The following SCAMP1 variants were observed in gnomAD, a reference collection of about 807,000 sequenced individuals.
The protein encoded by SCAMP1 is secretory carrier membrane protein 1.
A neutral mutation model predicts 41.8 loss-of-function variants in SCAMP1; 15 were observed. The observed-to-expected ratio is 0.36, with a 90% CI of 0.24 to 0.55. SCAMP1 has a LOEUF of 0.55. Ranked by LOEUF, SCAMP1 falls within the 20% of genes least tolerant of loss-of-function variation. The pLI, the probability that SCAMP1 is intolerant of heterozygous loss-of-function variation, is 0.86. For synonymous variants in SCAMP1, 135 were observed against 136.8 expected (o/e 0.99, Z 0.09); for missense variants, 341 against 412.6 (o/e 0.83, Z 1.50).
At position 78,450,039 on chromosome 5, in the gene SCAMP1, G is replaced by C. The variant is rs1561281827; in HGVS notation, c.734+5G>C. The C allele has an allele frequency of 8.0e-7, 1 of 1,251,564 alleles. No individual in the cohort carries two copies. The highest frequency in any genetic ancestry group is 1.1e-6 in the Non-Finnish European group (1 of 919,836). 77.5% of individuals were successfully genotyped at this position (1,251,564 alleles called of 1,614,324 possible). A position where few individuals can be genotyped will look rare whatever the true frequency, so the allele number is the denominator to read the frequency against. ...ATTTCATAACTGGGGCAATTGGTAAGTTTTTTTTTTTACTAGTTTTCAGCT... is the reference window on the plus strand; with the variant it reads ...ATTTCATAACTGGGGCAATTGGTAACTTTTTTTTTTTACTAGTTTTCAGCT... On this transcript the variant is annotated splice_donor_5th_base_variant and intron_variant, in intron 7 of 8. Coordinates refer to ENST00000621999, the MANE Select transcript of SCAMP1 (RefSeq NM_004866.6).
chr5:78,365,844 G>C (rs1328951809), intron 1 of SCAMP1, among the ~76,000 whole-genome samples: 3 of 152,120 alleles, frequency 2.0e-5, no homozygotes, highest in Non-Finnish European at 1.5e-5. Flanking sequence ...TATCTTTTAA[G>C]TTACAGTAAT....
intron 8 of SCAMP1, among the ~76,000 whole-genome samples, chr5:78,472,427 T>A (rs574540566): frequency 8.6e-5 from 13 of 151,736 alleles, no homozygotes; most frequent in African/African-American, 2.2e-4. Context: ...TTAAAAAAAA[T>A]TATAGTACTT....
At position 78,382,776 on chromosome 5, in the gene SCAMP1, GGTGTGTGTGT is replaced by G. The variant is rs61523492; in HGVS notation, c.58-6027_58-6018del. 2.6e-3 allele frequency among the ~76,000 whole-genome samples: 343 copies of G among 130,276 alleles called. 1 individual carries two copies. The highest frequency in any genetic ancestry group is 0.02 in the South Asian group (85 of 4,182). The allele number at this position is 130,276 out of a possible 152,430, so 85.5% of individuals were successfully genotyped here. On this transcript the variant is annotated intron_variant, in intron 1 of 8. Coordinates refer to ENST00000621999, the MANE Select transcript of SCAMP1 (RefSeq NM_004866.6). ...TTTTCATGGCTGAGTAGTATTCCAT[GGTGTGTGTGT>G]GTGTGTGTGTGTGTGTGTGTGTGTG...
chr5:78,401,932 A>G (rs1437073632), intron 2 of SCAMP1, among the ~76,000 whole-genome samples: 1 of 151,802 alleles, frequency 6.6e-6, no homozygotes, highest in Admixed American at 6.6e-5. Flanking sequence ...TGGATTTTAG[A>G]TCTTTCTTAT....
At chr5:78,401,753 T>C (rs183334939) in intron 2 of SCAMP1, among the ~76,000 whole-genome samples, 109 of 152,310 alleles carry the variant, frequency 7.2e-4, no homozygotes, top group African/African-American at 2.5e-3. Context: ...TAGAGGCTTA[T>C]TGAGTTTATC....
chr5:78,464,107 A>G (rs912724275), intron 8 of SCAMP1, among the ~76,000 whole-genome samples: 31 of 151,646 alleles, frequency 2.0e-4, no homozygotes, highest in African/African-American at 7.5e-4. Flanking sequence ...CCTCCCAAGT[A>G]GCTGGGACTA....
chr5:78,459,566 G>A (rs1753531396), intron 8 of SCAMP1, among the ~76,000 whole-genome samples: 1 of 151,922 alleles, frequency 6.6e-6, no homozygotes, highest in Admixed American at 6.6e-5. Flanking sequence ...CAGTAAAAAG[G>A]GAATATTTTA....
At chr5:78,403,938 G>A (rs1487191438) in intron 2 of SCAMP1, among the ~76,000 whole-genome samples, 2 of 104,362 alleles carry the variant, frequency 1.9e-5, no homozygotes, top group Non-Finnish European at 1.8e-5. Context: ...GGGACAGAGT[G>A]AGACTCTGTC....
intron 7 of SCAMP1, among the ~76,000 whole-genome samples, chr5:78,456,952 T>A (rs1455457381): frequency 1.5e-5 from 2 of 135,642 alleles, no homozygotes; most frequent in Non-Finnish European, 3.1e-5. Flanking sequence ...CCATTGCTGA[T>A]ACCCTTTCTT....
At chr5:78,448,394 G>GAT (rs1369891971) in intron 6 of SCAMP1, among the ~76,000 whole-genome samples, 2 of 151,230 alleles carry the variant, frequency 1.3e-5, no homozygotes, top group Non-Finnish European at 2.9e-5. Flanking sequence ...CTTTGTCAAG[G>GAT]ATATATCTGA....
chr5:78,419,673 T>C (rs1057028074), intron 5 of SCAMP1, among the ~76,000 whole-genome samples: 2 of 152,224 alleles, frequency 1.3e-5, no homozygotes, highest in Non-Finnish European at 2.9e-5. Context: ...TCTGGGTTAA[T>C]GGATAATTTG....
chr5:78,423,194 AATG>A (rs1752383238), intron 6 of SCAMP1, among the ~76,000 whole-genome samples: 3 of 152,124 alleles, frequency 2.0e-5, no homozygotes, highest in South Asian at 2.1e-4. Flanking sequence ...AAAGAGAAGA[AATG>A]ATGAGAGGAG....
chr5:78,459,419 T>A, intron 8 of SCAMP1, 57 bp downstream of exon 8: 2 of 873,052 alleles, frequency 2.3e-6, no homozygotes, highest in Non-Finnish European at 3.7e-6. Flanking sequence ...AGTTCTCATT[T>A]TCCTATTTTG....
At chr5:78,442,869 A>G (rs973479164) in intron 6 of SCAMP1, among the ~76,000 whole-genome samples, 1 of 152,146 alleles carries the variant, frequency 6.6e-6, no homozygotes, top group Non-Finnish European at 1.5e-5. Context: ...GAGATGATGG[A>G]ATTGAAATAT....
chr5:78,457,438 C>A (rs992673457), intron 7 of SCAMP1, among the ~76,000 whole-genome samples: 4 of 151,860 alleles, frequency 2.6e-5, no homozygotes, highest in African/African-American at 4.8e-5. Flanking sequence ...GTTGGAATAC[C>A]CTGTCGTGTA....
At chr5:78,442,491 T>C (rs906775809) in intron 6 of SCAMP1, among the ~76,000 whole-genome samples, 1 of 152,112 alleles carries the variant, frequency 6.6e-6, no homozygotes, top group African/African-American at 2.4e-5. Context: ...ACTCCTGACC[T>C]CAGGTGATCT....
intron 8 of SCAMP1, among the ~76,000 whole-genome samples, chr5:78,465,227 G>A (rs1283980414): frequency 6.6e-6 from 1 of 152,136 alleles, no homozygotes; most frequent in Non-Finnish European, 1.5e-5. Flanking sequence ...TTCTGGGTAC[G>A]CAGCTGTTAA....
At position 78,459,497 on chromosome 5, in the gene SCAMP1, T is replaced by C. The variant is rs1337520887; in HGVS notation, c.852+135T>C. 8.8e-6 allele frequency: 5 copies of C among 566,840 alleles called. No individual in the cohort carries two copies. The East Asian group carries it at 1.3e-4, about 15-fold the overall frequency. 35.1% of individuals were successfully genotyped at this position (566,840 alleles called of 1,614,324 possible). ...TGAGTTTGCTCTCTGAGGATTACTT[T>C]TTACAATTAAAAGTTATGCATAAGT... is the stretch of plus-strand genomic sequence containing the variant. On this transcript the variant is annotated intron_variant, in intron 8 of 8. Transcript: ENST00000621999.
At chr5:78,440,058 G>C (rs1269185743) in intron 6 of SCAMP1, among the ~76,000 whole-genome samples, 1 of 152,072 alleles carries the variant, frequency 6.6e-6, no homozygotes, top group Non-Finnish European at 1.5e-5. Context: ...GCTCCATCAG[G>C]TCCTTTTAAG....
Sources: gnomAD v4.1 joint callset for allele counts (sites outside exome capture counted in the v4.1 genomes callset) on GRCh38, gnomAD v4.1.1 for gene constraint, MANE v1.5 for transcripts, NCBI Gene and HGNC (gene_info 2026-07-23, HGNC 2026-07-21) for gene names.